Variants in GFRA1 observed in about 807,000 individuals in gnomAD.
GFRA1 encodes the protein GDNF family receptor alpha-1.
A neutral mutation model predicts 51.6 loss-of-function variants in GFRA1; 16 were observed. The observed-to-expected ratio is 0.31, with a 90% confidence interval of 0.21 to 0.47. GFRA1 has a LOEUF of 0.47. Among genes scored for constraint, GFRA1 ranks in the 20% least tolerant of loss-of-function variants. The probability of loss-of-function intolerance (pLI) is 1.00; values close to 1 mark genes in which losing one functional copy is unlikely to be tolerated. For missense variants in GFRA1, 530 were observed against 594.3 expected, an observed-to-expected ratio of 0.89 and a Z score of 1.13; for synonymous variants, 270 against 241.3, an observed-to-expected ratio of 1.12 and a Z score of -1.10.
chr10:116,219,503 T>C (rs1965781279), intron 4 of GFRA1, among the ~76,000 whole-genome samples: 1 of 152,198 alleles, frequency 6.6e-6, no homozygotes, highest in South Asian at 2.1e-4. Flanking sequence ...TGAAACTATA[T>C]TAAAATCGAT....
In GFRA1 at chr10:116,063,772, T is replaced by C. The variant is rs1954940427; in HGVS notation, c.*626A>G. ...ATTTGGATGTGACAGGTGTTTTTTC[T>C]TTTGTACAAGAGTGCAGAACTGTTT... On this transcript the variant is annotated 3_prime_UTR_variant, in exon 11 of 11. Coordinates refer to ENST00000355422, the MANE Select transcript of GFRA1 (RefSeq NM_005264.8). 3 of 152,444 alleles carry C rather than the reference T, an allele frequency of 2.0e-5. No homozygotes were observed. The highest frequency in any genetic ancestry group is 4.8e-5 in the African/African-American group (2 of 41,434). 9.4% of individuals were successfully genotyped at this position (152,444 alleles called of 1,614,324 possible).
At chr10:116,205,018 T>C (rs920380280) in intron 5 of GFRA1, among the ~76,000 whole-genome samples, 5 of 152,304 alleles carry the variant, frequency 3.3e-5, no homozygotes, top group East Asian at 1.9e-4. Flanking sequence ...ATCACATTGA[T>C]AGAATGTGCC....
At chr10:116,265,620 G>A (rs1311092522) in intron 4 of GFRA1, among the ~76,000 whole-genome samples, 2 of 152,174 alleles carry the variant, frequency 1.3e-5, no homozygotes, top group African/African-American at 4.8e-5. Context: ...AAAAGCAGGG[G>A]CAGAATAGAG....
chr10:116,089,675 T>C (rs1589777958), intron 9 of GFRA1, 66 bp downstream of exon 9: 2 of 1,325,562 alleles, frequency 1.5e-6, no homozygotes, highest in Non-Finnish European at 2.2e-6. Context: ...AGAAAATGGG[T>C]CTGCCCGTGT....
At position 116,165,861 on chromosome 10, in the gene GFRA1, C is replaced by CA; in HGVS notation, c.434-40305dup. ...GTTTGTTACACAGATAAACTTGTGT[C>CA]ATGGGGTTTGCTGTACAGATTATTT... On this transcript the variant is annotated intron_variant, in intron 5 of 10. Coordinates refer to ENST00000355422, the MANE Select transcript of GFRA1 (RefSeq NM_005264.8). 0.031 allele frequency among the ~76,000 whole-genome samples: 5 copies of CA among 160 alleles called. No homozygotes were observed. In the Middle Eastern group the frequency reaches 0.5, roughly 16 times the overall value. The allele number at this position is 160 out of a possible 152,430, so 0.1% of individuals were successfully genotyped here.
intron 4 of GFRA1, chr10:116,255,703 T>A: frequency 2.3e-6 from 3 of 1,289,168 alleles, no homozygotes; most frequent in Non-Finnish European, 2.0e-6. Context: ...CCTTCCTGCA[T>A]CCTAGTTCTC....
chr10:116,093,899 G>A, intron 7 of GFRA1, 63 bp from the exon 8 acceptor site: 1 of 1,513,326 alleles, frequency 6.6e-7, no homozygotes, highest in Non-Finnish European at 9.2e-7. Context: ...GGCCTAAAAA[G>A]AAACCAATAT....
chr10:116,099,796 T>C (rs1440999720), intron 6 of GFRA1, among the ~76,000 whole-genome samples: 1 of 152,212 alleles, frequency 6.6e-6, no homozygotes, highest in African/African-American at 2.4e-5. Flanking sequence ...AATACAGTGA[T>C]TTGTTCTTGA....
chr10:116,093,980 A>C, intron 7 of GFRA1, 144 bp from the exon 8 acceptor site: 1 of 775,818 alleles, frequency 1.3e-6, no homozygotes, highest in Non-Finnish European at 2.2e-6. Context: ...TATGTTAAGC[A>C]GTGCATTTTC....
At chr10:116,212,961 G>A (rs537617965) in intron 4 of GFRA1, among the ~76,000 whole-genome samples, 21 of 152,212 alleles carry the variant, frequency 1.4e-4, no homozygotes, top group African/African-American at 3.6e-4. Context: ...CCAAAAGTAC[G>A]CTCATTTGCT....
chr10:116,134,578 T>G (rs7916155), intron 5 of GFRA1, among the ~76,000 whole-genome samples: 1 of 152,204 alleles, frequency 6.6e-6, no homozygotes, highest in East Asian at 1.9e-4. Flanking sequence ...GAACCCATTT[T>G]GTCATTCGTA....
At chr10:116,244,127 C>T (rs1967650258) in intron 4 of GFRA1, among the ~76,000 whole-genome samples, 1 of 151,878 alleles carries the variant, frequency 6.6e-6, no homozygotes, top group South Asian at 2.1e-4. Flanking sequence ...AAAAAACAGT[C>T]ATGAAAGAGC....
At chr10:116,211,033 G>T (rs973375063) in intron 5 of GFRA1, among the ~76,000 whole-genome samples, 3 of 152,166 alleles carry the variant, frequency 2.0e-5, no homozygotes, top group Admixed American at 2.0e-4. Context: ...CCAATGTGGG[G>T]TTAGGATTTC....
intron 5 of GFRA1, among the ~76,000 whole-genome samples, chr10:116,162,963 A>G (rs540596969): frequency 6.6e-6 from 1 of 152,248 alleles, no homozygotes; most frequent in South Asian, 2.1e-4. Context: ...GGAAGATGGC[A>G]CCTCATTCTC....
At chr10:116,226,847 A>C in intron 4 of GFRA1, 1 of 318,578 alleles carries the variant, frequency 3.1e-6, no homozygotes, top group South Asian at 2.7e-5. Context: ...TTAGATTCTC[A>C]TAAGGAGCAC....
At chr10:116,105,833 C>G (rs896311762) in intron 6 of GFRA1, among the ~76,000 whole-genome samples, 1 of 152,180 alleles carries the variant, frequency 6.6e-6, no homozygotes, top group Non-Finnish European at 1.5e-5. Flanking sequence ...AAACTGCTTG[C>G]GGCAGGCAGA....
chr10:116,132,687 GAT>G (rs1958152433), intron 5 of GFRA1, among the ~76,000 whole-genome samples: 1 of 152,070 alleles, frequency 6.6e-6, no homozygotes, highest in Non-Finnish European at 1.5e-5. Flanking sequence ...GAAATCACAG[GAT>G]ATATAAATTA....
intron 4 of GFRA1, among the ~76,000 whole-genome samples, chr10:116,253,005 TCCTC>T (rs962638712): frequency 1.3e-5 from 2 of 152,194 alleles, no homozygotes; most frequent in African/African-American, 4.8e-5. Context: ...ATGTGCCTCT[TCCTC>T]AGTCCACAAG....
intron 6 of GFRA1, among the ~76,000 whole-genome samples, chr10:116,102,399 A>G (rs1956851260): frequency 6.6e-6 from 1 of 152,220 alleles, no homozygotes. Context: ...TGAGTCTATC[A>G]GTGAATTAGG....
Sources: gnomAD v4.1 joint callset for allele counts (sites outside exome capture counted in the v4.1 genomes callset) on GRCh38, gnomAD v4.1.1 for gene constraint, MANE v1.5 for transcripts, NCBI Gene and HGNC (gene_info 2026-07-23, HGNC 2026-07-21) for gene names.